The following ICA1 variants were observed in gnomAD, a reference collection of about 807,000 sequenced individuals.
ICA1 encodes 69 kDa islet cell autoantigen.
In ICA1, 40 loss-of-function variants were observed where a neutral mutation model predicts 71.0. The ratio of observed to expected loss-of-function variants is 0.56; its 90% confidence interval spans 0.44 to 0.73. ICA1 has a LOEUF of 0.73. ICA1 is among the 30% of genes least tolerant of loss of function. The probability of loss-of-function intolerance (pLI) is 0.00; values close to 1 mark genes in which losing one functional copy is unlikely to be tolerated. For missense variants in ICA1, 578 were observed against 576.5 expected, an observed-to-expected ratio of 1.00 and a Z score of -0.03; for synonymous variants, 207 against 209.5, an observed-to-expected ratio of 0.99 and a Z score of 0.10.
chr7:8,145,614 A>G (rs1175996128), intron 8 of ICA1, among the ~76,000 whole-genome samples: 1 of 152,000 alleles, frequency 6.6e-6, no homozygotes, highest in Non-Finnish European at 1.5e-5. Flanking sequence ...TAAATCAGAA[A>G]CATAATAGAA....
At chr7:8,219,244 C>G (rs963742260) in intron 5 of ICA1, among the ~76,000 whole-genome samples, 1 of 152,254 alleles carries the variant, frequency 6.6e-6, no homozygotes, top group Non-Finnish European at 1.5e-5. Flanking sequence ...GGGAAAAACA[C>G]TGCTTCTTCC....
rs146920713 is a variant in ICA1, at chr7:8,248,690, T to C, written c.-79-12685A>G. ...GAGATCATGCCACTGCACTCCAGCC[T>C]GGGCAGCAGAGTAAGATGCCCACCA... On this transcript the variant is annotated intron_variant, in intron 1 of 13. Transcript: ENST00000402384. Among the ~76,000 whole-genome samples, 923 of 152,294 alleles carry C rather than the reference T, an allele frequency of 6.1e-3. 9 individuals carry two copies. Among genetic ancestry groups the C allele is most frequent in the African/African-American group, 0.021 (883 of 41,552 alleles).
rs149773745 is a variant in ICA1 at position 8,154,374 on chromosome 7, C to T, written c.804+2742G>A. 5.9e-5 allele frequency among the ~76,000 whole-genome samples: 9 copies of T among 152,246 alleles called. No homozygotes were observed. In the South Asian group the frequency reaches 1.2e-3, roughly 21 times the overall value. On this transcript the variant is annotated intron_variant, in intron 8 of 13. Coordinates refer to ENST00000402384, the MANE Select transcript of ICA1 (RefSeq NM_001136020.3). ...ACTTGTCCCTCCAAACAGGATGCAC[C>T]GAGTGTTTAACACATTAATTATCAT...
Position 8,113,767 on chromosome 7 carries a change from AATAATT to A in ICA1, c.*150_*155del. The A allele has an allele frequency of 2.8e-6, 2 of 718,964 alleles. No homozygotes were observed. Among genetic ancestry groups the A allele is most frequent in the Non-Finnish European group, 4.6e-6 (2 of 437,082 alleles). The allele number at this position is 718,964 out of a possible 1,614,324, so 44.5% of individuals were successfully genotyped here. On this transcript the variant is annotated 3_prime_UTR_variant, in exon 14 of 14. Transcript: ENST00000402384. The surrounding 1 kb of genome is among the most constrained non-coding windows in gnomAD (Gnocchi z 4.2). Reference sequence around the variant, plus strand: ...AAACCCTTTATACCAAATAAGAGTAAATAATTATACCAATATAAACAGGGCCGTTGA... The same window carrying A: ...AAACCCTTTATACCAAATAAGAGTAAATACCAATATAAACAGGGCCGTTGA...
intron 13 of ICA1, among the ~76,000 whole-genome samples, chr7:8,119,240 A>G (rs1334731611): frequency 6.6e-6 from 1 of 152,062 alleles, no homozygotes; most frequent in Non-Finnish European, 1.5e-5. Flanking sequence ...GAGAACTTGA[A>G]CTGACTCAGT....
intron 1 of ICA1, among the ~76,000 whole-genome samples, chr7:8,238,652 G>C (rs1185063360): frequency 6.6e-6 from 1 of 151,810 alleles, no homozygotes; most frequent in African/African-American, 2.4e-5. Flanking sequence ...ATTAATTTTT[G>C]CTTATTAAAA....
intron 3 of ICA1, among the ~76,000 whole-genome samples, chr7:8,229,564 T>A (rs114365784): frequency 2.3e-3 from 344 of 152,310 alleles, no homozygotes; most frequent in African/African-American, 7.7e-3. Context: ...CCTCTTTCTC[T>A]CTCCTAGTTC....
chr7:8,233,077 G>A (rs554803399), intron 2 of ICA1, among the ~76,000 whole-genome samples: 1 of 152,280 alleles, frequency 6.6e-6, no homozygotes, highest in Non-Finnish European at 1.5e-5. Context: ...GCCAGGCAGG[G>A]TGACTGGCCC....
At chr7:8,162,604 C>A (rs1222634360) in intron 6 of ICA1, among the ~76,000 whole-genome samples, 1 of 152,144 alleles carries the variant, frequency 6.6e-6, no homozygotes, top group African/African-American at 2.4e-5. Context: ...TCCTCTCAAC[C>A]CTAGATAAGT....
At position 8,163,566 on chromosome 7, in the gene ICA1, GA is replaced by G. The variant is rs1448585545; in HGVS notation, c.580-4915del. Among the ~76,000 whole-genome samples, 3 of 152,324 alleles carry G rather than the reference GA, an allele frequency of 2.0e-5. No individual in the cohort carries two copies. In the East Asian group the frequency reaches 5.8e-4, roughly 29 times the overall value. Reference sequence around the variant, plus strand: ...AACTATGAACTGAGTGAGGTACTCAGAAGGAAAGTCACATAGTCCCTCAAGA... The same window carrying G: ...AACTATGAACTGAGTGAGGTACTCAGAGGAAAGTCACATAGTCCCTCAAGA... On this transcript the variant is annotated intron_variant, in intron 6 of 13. Coordinates refer to ENST00000402384, the MANE Select transcript of ICA1 (RefSeq NM_001136020.3).
chr7:8,224,768 A>T (rs1324721233), intron 4 of ICA1, among the ~76,000 whole-genome samples: 2 of 152,196 alleles, frequency 1.3e-5, no homozygotes, highest in African/African-American at 4.8e-5. Context: ...TAGTTTCCTT[A>T]AATCTGTGAC....
At chr7:8,215,702 A>G (rs1309373188) in intron 6 of ICA1, among the ~76,000 whole-genome samples, 1 of 152,238 alleles carries the variant, frequency 6.6e-6, no homozygotes, top group Non-Finnish European at 1.5e-5. Flanking sequence ...ATGAATTAGA[A>G]TTTTGTCTCC....
chr7:8,220,939 G>T lies in ICA1; in HGVS notation c.380+336C>A, dbSNP rs183449731. 3.3e-5 allele frequency among the ~76,000 whole-genome samples: 5 copies of T among 152,186 alleles called. No homozygotes were observed. In the East Asian group the frequency reaches 7.7e-4, roughly 23 times the overall value. ...CATTAGGCTCCTGCTTTAATCAGCT[G>T]CTGGAAGGGGACCAGACTGATTGCT... On this transcript the variant is annotated intron_variant, in intron 5 of 13. Transcript: ENST00000402384.
intron 6 of ICA1, among the ~76,000 whole-genome samples, chr7:8,170,144 G>A (rs545084398): frequency 4.6e-5 from 7 of 151,926 alleles, no homozygotes; most frequent in East Asian, 3.9e-4. Flanking sequence ...TTGAAAAACC[G>A]CCTTAACTTG....
At chr7:8,138,066 G>C (rs1296107478) in intron 12 of ICA1, among the ~76,000 whole-genome samples, 5 of 152,112 alleles carry the variant, frequency 3.3e-5, no homozygotes, top group Non-Finnish European at 5.9e-5. Context: ...TTGGACTCTT[G>C]GTACATCATT....
chr7:8,161,318 A>G (rs1422596636), intron 6 of ICA1, among the ~76,000 whole-genome samples: 1 of 152,194 alleles, frequency 6.6e-6, no homozygotes, highest in Non-Finnish European at 1.5e-5. Context: ...AAAACATAGA[A>G]CTAAGAGGAA....
At chr7:8,190,991 T>A (rs1015315319) in intron 6 of ICA1, among the ~76,000 whole-genome samples, 5 of 152,220 alleles carry the variant, frequency 3.3e-5, no homozygotes, top group African/African-American at 1.2e-4. Flanking sequence ...TCCAGTATGA[T>A]AATGAACAAA....
In ICA1 at chr7:8,242,693, G is replaced by A. The variant is rs542250913; in HGVS notation, c.-79-6688C>T. Among the ~76,000 whole-genome samples, 342 of 152,180 alleles carry A rather than the reference G, an allele frequency of 2.2e-3. 2 individuals carry two copies. The highest frequency in any genetic ancestry group is 7.9e-3 in the African/African-American group (328 of 41,502). On this transcript the variant is annotated intron_variant, in intron 1 of 13. Transcript: ENST00000402384. Reference sequence around the variant, plus strand: ...CAAGACTAATAAAGAAGAAAAGAGAGAAGAATCAAACAGATGCAATAAAAA... The same window carrying A: ...CAAGACTAATAAAGAAGAAAAGAGAAAAGAATCAAACAGATGCAATAAAAA...
At chr7:8,229,230 C>A (rs1563106328) in intron 3 of ICA1, among the ~76,000 whole-genome samples, 2 of 152,210 alleles carry the variant, frequency 1.3e-5, no homozygotes, top group Non-Finnish European at 2.9e-5. Context: ...GTTGGGCAAG[C>A]AGTCCCCATC....
Sources: gnomAD v4.1 joint callset for allele counts (sites outside exome capture counted in the v4.1 genomes callset) on GRCh38, gnomAD v4.1.1 for gene constraint, Gnocchi (gnomAD v3.1) non-coding constraint, MANE v1.5 for transcripts, NCBI Gene and HGNC (gene_info 2026-07-23, HGNC 2026-07-21) for gene names.